IMPA2: variants seen among roughly 807,000 people sequenced by gnomAD.
IMPA2 encodes IMP 2.
IMPA2 carries 32 observed loss-of-function variants against 35.1 expected under a neutral mutation model. The observed-to-expected ratio is 0.91, with a 90% CI of 0.69 to 1.23. The LOEUF is 1.23. Ranked by LOEUF, IMPA2 falls within the 50% of genes most tolerant of loss-of-function variation. The pLI is 0.00. For missense variants in IMPA2, 334 were observed against 387.6 expected (o/e 0.86, Z 1.16); for synonymous variants, 135 against 160.6 (o/e 0.84, Z 1.20).
intron 1 of IMPA2, among the ~76,000 whole-genome samples, chr18:11,995,616 G>A (rs149784080): frequency 4.4e-4 from 67 of 152,320 alleles, no homozygotes; most frequent in Non-Finnish European, 6.9e-4. Flanking sequence ...CTGGGGAGAC[G>A]CATGGTCACC....
At chr18:12,012,263 G>T in intron 4 of IMPA2, 48 bp downstream of exon 4, 1 of 1,520,542 alleles carries the variant, frequency 6.6e-7, no homozygotes, top group Non-Finnish European at 9.1e-7. Context: ...GGCTCCCTCT[G>T]GCCATCCTTC....
chr18:12,025,128 T>C lies in IMPA2; in HGVS notation c.491-2915T>C, dbSNP rs919233912. 7.2e-5 allele frequency among the ~76,000 whole-genome samples: 11 copies of C among 152,168 alleles called. No individual in the cohort carries two copies. The East Asian group carries it at 1.7e-3, about 24-fold the overall frequency. On this transcript the variant is annotated intron_variant, in intron 5 of 7. Coordinates refer to ENST00000269159, the MANE Select transcript of IMPA2 (RefSeq NM_014214.3). ...CCAGAATGTCATGGAGTTGGAATCA[T>C]ACGGTGTGTAGCTTTTGAGATTGGC...
chr18:12,018,236 C>G (rs552879522), intron 5 of IMPA2: 1 of 152,494 alleles, frequency 6.6e-6, no homozygotes, highest in African/African-American at 2.4e-5. Context: ...CCACCACACC[C>G]GGCCTCAACC....
At chr18:11,982,237 CG>C (rs781418759) in intron 1 of IMPA2, among the ~76,000 whole-genome samples, 3 of 152,182 alleles carry the variant, frequency 2.0e-5, no homozygotes, top group Non-Finnish European at 2.9e-5. Context: ...GGCTCAGCTC[CG>C]CGACGGCCAC....
At position 11,999,276 on chromosome 18, in the gene IMPA2, G is replaced by A. The variant is rs1598689620; in HGVS notation, c.230+89G>A. ...TCTGCCGGGGTCAGGGGGCTCTGCT[G>A]TTTGTTGATGTGGCCAGACGTGAAG... is the stretch of plus-strand genomic sequence containing the variant. On this transcript the variant is annotated intron_variant, in intron 2 of 7. Transcript: ENST00000269159. The A allele has an allele frequency of 1.2e-5, 15 of 1,297,776 alleles. No homozygotes were observed. In the East Asian group the frequency reaches 3.5e-4, roughly 30 times the overall value. 80.4% of individuals were successfully genotyped at this position (1,297,776 alleles called of 1,614,324 possible). A position where few individuals can be genotyped will look rare whatever the true frequency, so the allele number is the denominator to read the frequency against.
At chr18:12,021,806 C>G (rs1164055300) in intron 5 of IMPA2, 3 of 152,224 alleles carry the variant, frequency 2.0e-5, no homozygotes, top group Non-Finnish European at 4.4e-5. Flanking sequence ...GCATGAACCA[C>G]CACGCCCAGC....
intron 2 of IMPA2, among the ~76,000 whole-genome samples, chr18:12,001,750 G>C (rs937743475): frequency 6.6e-6 from 1 of 152,204 alleles, no homozygotes; most frequent in Non-Finnish European, 1.5e-5. Context: ...GGTAGGGTGA[G>C]ACAGGCTTAC....
chr18:12,023,700 C>T (rs963644431), intron 5 of IMPA2, among the ~76,000 whole-genome samples: 4 of 152,194 alleles, frequency 2.6e-5, no homozygotes, highest in Non-Finnish European at 4.4e-5. Context: ...GAGAAATCTT[C>T]AGTGTCTTCC....
intron 5 of IMPA2, among the ~76,000 whole-genome samples, chr18:12,026,340 C>G (rs1414879480): frequency 6.6e-6 from 1 of 152,212 alleles, no homozygotes; most frequent in African/African-American, 2.4e-5. Context: ...ACCAAAAGAG[C>G]ATTTCTAACT....
At chr18:12,024,063 C>T (rs1055916257) in intron 5 of IMPA2, among the ~76,000 whole-genome samples, 20 of 152,026 alleles carry the variant, frequency 1.3e-4, no homozygotes, top group African/African-American at 4.3e-4. Context: ...GCATTGTTTA[C>T]AATAAAAATG....
rs1907389631 is a variant in IMPA2, at chr18:12,009,986, A to G, written c.334A>G (p.Arg112Gly). 1 of 1,612,018 alleles carries G rather than the reference A, an allele frequency of 6.2e-7. No individual in the cohort carries two copies. The highest frequency in any genetic ancestry group is 8.5e-7 in the Non-Finnish European group (1 of 1,178,462). Residue 112 changes from arginine to glycine, a missense_variant and splice_region_variant, in exon 3 of 8, where the codon AGA becomes GGA. By Grantham distance (125) the Arg-to-Gly change is moderately radical (BLOSUM62 -2). Coordinates refer to ENST00000269159, the MANE Select transcript of IMPA2 (RefSeq NM_014214.3). Reference protein sequence around the residue: ...PIDGTCNFVHRFPTVAVSIGF... With the variant: ...PIDGTCNFVHGFPTVAVSIGF... ...CGACGGCACCTGCAATTTTGTGCAC[A>G]GGTGAGCTGAGCAGGGATCGCCTCC...
At chr18:12,029,882 T>TG (rs1907998389) in intron 7 of IMPA2, among the ~76,000 whole-genome samples, 1 of 152,224 alleles carries the variant, frequency 6.6e-6, no homozygotes, top group South Asian at 2.1e-4. Flanking sequence ...TCTTCGAGTG[T>TG]GGGTCCCGCA....
intron 1 of IMPA2, among the ~76,000 whole-genome samples, chr18:11,993,681 G>A (rs1171226466): frequency 6.6e-6 from 1 of 152,224 alleles, no homozygotes; most frequent in Non-Finnish European, 1.5e-5. Context: ...GTGGGCGGAC[G>A]GCCACACGGG....
intron 1 of IMPA2, among the ~76,000 whole-genome samples, chr18:11,995,794 ACT>A (rs1906943776): frequency 6.6e-6 from 1 of 152,180 alleles, no homozygotes; most frequent in Non-Finnish European, 1.5e-5. Context: ...GGTGGTCAGC[ACT>A]CACACAGACA....
intron 2 of IMPA2, among the ~76,000 whole-genome samples, chr18:12,006,857 C>T (rs796602448): frequency 2.0e-5 from 3 of 152,220 alleles, no homozygotes; most frequent in African/African-American, 7.2e-5. Context: ...TCGGGCCAGG[C>T]GTGGTGGCTC....
In IMPA2 at chr18:12,028,903, G is replaced by A. The variant is rs1468267516; in HGVS notation, c.661G>A (p.Ala221Thr). 1 of 1,614,148 alleles carries A rather than the reference G, an allele frequency of 6.2e-7. No homozygotes were observed. Among genetic ancestry groups the A allele is most frequent in the Non-Finnish European group, 8.5e-7 (1 of 1,180,030 alleles). ...CCACCTGGCCTCAGGGGCCGCGGAT[G>A]CCTATTACCAGTTTGGCCTGCACTG... is the stretch of plus-strand genomic sequence containing the variant. Reference protein sequence around the residue: ...LCHLASGAADAYYQFGLHCWD... With the variant: ...LCHLASGAADTYYQFGLHCWD... Residue 221 changes from alanine to threonine, a missense_variant, in exon 7 of 8, where the codon GCC becomes ACC. By Grantham distance (58) the Ala-to-Thr change is moderately conservative (BLOSUM62 0). Coordinates refer to ENST00000269159, the MANE Select transcript of IMPA2 (RefSeq NM_014214.3).
At chr18:12,012,086 C>A in intron 3 of IMPA2, 84 bp from the exon 4 acceptor site, 2 of 1,287,322 alleles carry the variant, frequency 1.6e-6, no homozygotes, top group Non-Finnish European at 2.2e-6. Flanking sequence ...TCCTTCTGAG[C>A]CTGCGGGGAG....
chr18:12,007,649 TTC>T (rs1491551944), intron 2 of IMPA2, among the ~76,000 whole-genome samples: 13 of 106,832 alleles, frequency 1.2e-4, no homozygotes, highest in Admixed American at 3.2e-4. Context: ...CTTTCTTTCT[TTC>T]TTTCTTTCTT....
At chr18:11,986,367 G>A (rs544860874) in intron 1 of IMPA2, among the ~76,000 whole-genome samples, 7 of 152,214 alleles carry the variant, frequency 4.6e-5, no homozygotes, top group Non-Finnish European at 8.8e-5. Context: ...CTTCCTTCAT[G>A]GACCGCTTCT....
Sources: gnomAD v4.1 joint callset for allele counts (sites outside exome capture counted in the v4.1 genomes callset) on GRCh38, gnomAD v4.1.1 for gene constraint, MANE v1.5 for transcripts, NCBI Gene and HGNC (gene_info 2026-07-23, HGNC 2026-07-21) for gene names.